The following AGBL1 variants were observed in gnomAD, a reference collection of about 807,000 sequenced individuals.
The protein encoded by AGBL1 is cytosolic carboxypeptidase 4.
A neutral mutation model predicts 118.9 loss-of-function variants in AGBL1; 130 were observed. That is an observed-to-expected ratio of 1.09 (90% CI 0.95 to 1.26). The LOEUF is 1.26. AGBL1 is among the 50% of genes most tolerant of loss of function. The pLI is 0.00. For synonymous variants in AGBL1, 555 were observed against 478.9 expected, an observed-to-expected ratio of 1.16 and a Z score of -2.08; for missense variants, 1,584 against 1,298.1, an observed-to-expected ratio of 1.22 and a Z score of -3.38.
chr15:86,727,708 T>G (rs935330195), intron 22 of AGBL1, among the ~76,000 whole-genome samples: 1 of 152,210 alleles, frequency 6.6e-6, no homozygotes, highest in Non-Finnish European at 1.5e-5. Context: ...AGAAGCTTAA[T>G]TCTGATTTCT....
chr15:86,985,899 TA>T (rs1413813656), intron 23 of AGBL1, among the ~76,000 whole-genome samples: 1 of 152,154 alleles, frequency 6.6e-6, no homozygotes, highest in Non-Finnish European at 1.5e-5. Flanking sequence ...TGTCAAAGTT[TA>T]TTTTTTTATA....
In AGBL1 at chr15:86,824,456, A is replaced by T. The variant is rs145386938; in HGVS notation, c.3159-82631A>T. On this transcript the variant is annotated intron_variant, in intron 22 of 22. Transcript: ENST00000614907. ...ATTGAAAATCTAAGTAAGCAGAGAG[A>T]CATACTATGTTCATGGATTGGAAAA... Among the ~76,000 whole-genome samples the T allele has an allele frequency of 1.4e-3, 216 of 152,306 alleles. 1 individual carries two copies. Among genetic ancestry groups the T allele is most frequent in the Non-Finnish European group, 2.6e-3 (174 of 68,016 alleles).
At chr15:86,336,146 A>G (rs1320599849) in intron 17 of AGBL1, among the ~76,000 whole-genome samples, 1 of 152,224 alleles carries the variant, frequency 6.6e-6, no homozygotes, top group Non-Finnish European at 1.5e-5. Context: ...AGAGTGCCCT[A>G]GGCATTTAGG....
intron 24 of AGBL1, among the ~76,000 whole-genome samples, chr15:87,000,854 C>G (rs1447736444): frequency 6.8e-6 from 1 of 147,764 alleles, no homozygotes; most frequent in Non-Finnish European, 1.5e-5. Flanking sequence ...TTCTTCCTAC[C>G]CATGAGCATG....
chr15:87,011,285 C>G (rs1410853831), intron 24 of AGBL1, among the ~76,000 whole-genome samples: 1 of 152,122 alleles, frequency 6.6e-6, no homozygotes, highest in African/African-American at 2.4e-5. Context: ...GGAGAAGAGG[C>G]CCACTCCCAC....
chr15:86,323,757 G>A (rs1392329010), intron 17 of AGBL1, among the ~76,000 whole-genome samples: 1 of 152,202 alleles, frequency 6.6e-6, no homozygotes, highest in African/African-American at 2.4e-5. Flanking sequence ...CACTGTCAGT[G>A]TGACTTCTGA....
At chr15:86,752,295 C>T (rs1383591306) in intron 22 of AGBL1, among the ~76,000 whole-genome samples, 2 of 152,088 alleles carry the variant, frequency 1.3e-5, no homozygotes, top group Non-Finnish European at 2.9e-5. Flanking sequence ...GTGTATCCAT[C>T]TTTTCAGTCT....
intron 5 of AGBL1, chr15:86,173,375 T>G (rs1567103897): frequency 6.6e-6 from 1 of 152,178 alleles, no homozygotes; most frequent in Non-Finnish European, 1.5e-5. Context: ...AAATATTTTT[T>G]TTTTCATTCA....
chr15:86,934,187 G>C (rs1367656219), intron 23 of AGBL1, among the ~76,000 whole-genome samples: 1 of 152,186 alleles, frequency 6.6e-6, no homozygotes, highest in East Asian at 1.9e-4. Flanking sequence ...GGGGAGAGGA[G>C]TAAGTGAATT....
intron 22 of AGBL1, among the ~76,000 whole-genome samples, chr15:86,822,621 A>G (rs576749135): frequency 1.3e-5 from 2 of 152,244 alleles, no homozygotes; most frequent in African/African-American, 4.8e-5. Context: ...GTCTATGCGA[A>G]CCTACCCCTA....
intron 1 of AGBL1, among the ~76,000 whole-genome samples, chr15:86,088,540 T>C (rs182291004): frequency 6.6e-6 from 1 of 152,326 alleles, no homozygotes; most frequent in East Asian, 1.9e-4. Flanking sequence ...TGGGGGACTA[T>C]TATGCAGATA....
chr15:86,364,257 G>A (rs926207570), intron 17 of AGBL1, among the ~76,000 whole-genome samples: 14 of 152,150 alleles, frequency 9.2e-5, no homozygotes, highest in African/African-American at 3.4e-4. Context: ...ATGAATAACA[G>A]CCATTAATAA....
chr15:86,969,465 G>C (rs558613655), intron 23 of AGBL1, among the ~76,000 whole-genome samples: 5 of 151,888 alleles, frequency 3.3e-5, no homozygotes, highest in South Asian at 2.1e-4. Context: ...TCCCAGACCA[G>C]AGTCAGTGAG....
chr15:86,622,598 A>T (rs952406494), intron 21 of AGBL1, among the ~76,000 whole-genome samples: 1 of 152,114 alleles, frequency 6.6e-6, no homozygotes, highest in Non-Finnish European at 1.5e-5. Context: ...GACCTTTGGG[A>T]AGGTAACATT....
At chr15:86,857,990 T>C (rs1052638994) in intron 22 of AGBL1, among the ~76,000 whole-genome samples, 1 of 152,214 alleles carries the variant, frequency 6.6e-6, no homozygotes, top group African/African-American at 2.4e-5. Context: ...CTTACCAGAA[T>C]TTTTCTTTCT....
At chr15:86,809,406 C>T (rs1274437097) in intron 22 of AGBL1, among the ~76,000 whole-genome samples, 1 of 152,286 alleles carries the variant, frequency 6.6e-6, no homozygotes, top group Non-Finnish European at 1.5e-5. Context: ...TTCCACTCCT[C>T]TCACATATAT....
chr15:86,943,160 C>T (rs963299885), intron 23 of AGBL1, among the ~76,000 whole-genome samples: 1 of 152,124 alleles, frequency 6.6e-6, no homozygotes, highest in Non-Finnish European at 1.5e-5. Flanking sequence ...AGGATTATTT[C>T]TCAGTTAACC....
intron 22 of AGBL1, among the ~76,000 whole-genome samples, chr15:86,805,079 C>A (rs2078698322): frequency 6.6e-6 from 1 of 152,012 alleles, no homozygotes; most frequent in African/African-American, 2.4e-5. Context: ...CTCAAGTGGT[C>A]TTTTCTGGCC....
At chr15:86,862,105 C>T (rs1012322143) in intron 22 of AGBL1, among the ~76,000 whole-genome samples, 1 of 152,130 alleles carries the variant, frequency 6.6e-6, no homozygotes, top group Non-Finnish European at 1.5e-5. Flanking sequence ...ATTGGAATAA[C>T]AACAGTACCT....
Sources: allele counts gnomAD v4.1 joint callset (sites outside exome capture counted in the v4.1 genomes callset), GRCh38; gene constraint gnomAD v4.1.1; transcripts MANE v1.5; gene names NCBI Gene and HGNC (gene_info 2026-07-23, HGNC 2026-07-21).